Variants in HERC2 observed in about 807,000 individuals in gnomAD.
HERC2 encodes HECT and RLD domain containing E3 ubiquitin protein ligase 2.
Under a neutral mutation model 537.7 loss-of-function variants are expected in HERC2, and 102 were observed. That is an observed-to-expected ratio of 0.19 (90% CI 0.16 to 0.22). The LOEUF (loss-of-function observed/expected upper bound fraction) is 0.22, where lower values mean the gene tolerates loss of function less well. HERC2 is among the 10% of genes least tolerant of loss of function. The probability of loss-of-function intolerance (pLI) is 1.00; values close to 1 mark genes in which losing one functional copy is unlikely to be tolerated. For missense variants in HERC2, 4,236 were observed against 6,198.2 expected (o/e 0.68, Z 10.63); for synonymous variants, 2,224 against 2,466.2 (o/e 0.90, Z 2.91).
intron 23 of HERC2, among the ~76,000 whole-genome samples, chr15:28,241,828 TAAAC>T (rs951862554): frequency 1.3e-5 from 2 of 151,150 alleles, no homozygotes; most frequent in Non-Finnish European, 3.0e-5. Flanking sequence ...TCAAAAAAAA[TAAAC>T]AAATAAAAAA....
At chr15:28,251,123 G>A (rs980818075) in intron 20 of HERC2, among the ~76,000 whole-genome samples, 6 of 152,104 alleles carry the variant, frequency 3.9e-5, no homozygotes, top group South Asian at 2.1e-4. Flanking sequence ...GGAGCTACAG[G>A]TGCAATTCAA....
chr15:28,290,617 T>A (rs542673752), intron 4 of HERC2, among the ~76,000 whole-genome samples: 2 of 152,210 alleles, frequency 1.3e-5, no homozygotes, highest in Non-Finnish European at 2.9e-5. Flanking sequence ...AATCACAGAA[T>A]ATGTTCTCTG....
intron 55 of HERC2, among the ~76,000 whole-genome samples, chr15:28,190,047 C>A (rs550142400): frequency 6.9e-6 from 1 of 143,970 alleles, no homozygotes; most frequent in South Asian, 2.2e-4. Context: ...CTGGCTCTGT[C>A]GCCCAGGCTG....
At chr15:28,264,401 T>C (rs1173768485) in intron 14 of HERC2, among the ~76,000 whole-genome samples, 1 of 152,210 alleles carries the variant, frequency 6.6e-6, no homozygotes, top group Non-Finnish European at 1.5e-5. Flanking sequence ...ACAGCAGACC[T>C]GAACACAGAG....
intron 16 of HERC2, among the ~76,000 whole-genome samples, chr15:28,258,333 A>AT (rs2075324113): frequency 6.6e-6 from 1 of 152,108 alleles, no homozygotes. Flanking sequence ...TTAGCCAAGC[A>AT]TGCTGGTGCA....
chr15:28,145,612 T>C (rs1340624048), intron 71 of HERC2, among the ~76,000 whole-genome samples: 1 of 152,222 alleles, frequency 6.6e-6, no homozygotes, highest in East Asian at 1.9e-4. Flanking sequence ...GCCCATTCTC[T>C]GGCATCCAGT....
intron 10 of HERC2, among the ~76,000 whole-genome samples, chr15:28,270,093 C>G (rs1290314775): frequency 1.3e-5 from 2 of 152,178 alleles, no homozygotes; most frequent in African/African-American, 4.8e-5. Flanking sequence ...TCCCAAGTAG[C>G]TGGGATTACA....
In HERC2 at chr15:28,167,767, A is replaced by G. The variant is rs185865505; in HGVS notation, c.10474T>C (p.Ser3492Pro). 2.7e-4 allele frequency: 439 copies of G among 1,614,212 alleles called. 2 individuals are homozygous for G. The East Asian group carries it at 7.8e-3, about 29-fold the overall frequency. ...GTCACTGGGATAAAAGGCCGAGCGG[A>G]GGCTGAGGGGGCCGACGGAGTCACT... ...SAVTPSAPSA[S>P]ARPFIPVTDD... The change falls in exon 68 of 93, where the codon TCC (serine) becomes CCC (proline). Residue 3492 changes from serine to proline, a missense_variant. This residue lies in a region of HERC2 where 356 missense variants were observed against 450.9 expected (regional missense o/e 0.79). Coordinates refer to ENST00000261609, the MANE Select transcript of HERC2 (RefSeq NM_004667.6).
intron 2 of HERC2, among the ~76,000 whole-genome samples, chr15:28,300,258 C>T (rs1167651371): frequency 6.0e-5 from 9 of 150,652 alleles, no homozygotes; most frequent in Non-Finnish European, 1.3e-4. Flanking sequence ...CTGAAACATA[C>T]ATGACTTTCA....
chr15:28,197,121 T>C (rs1473305270), intron 50 of HERC2, among the ~76,000 whole-genome samples: 2 of 152,234 alleles, frequency 1.3e-5, no homozygotes, highest in African/African-American at 4.8e-5. Flanking sequence ...AAATAATCCA[T>C]TTGTTTTTAT....
intron 47 of HERC2, 86 bp from the exon 48 acceptor site, chr15:28,201,640 T>C: frequency 8.2e-6 from 7 of 848,644 alleles, no homozygotes; most frequent in Non-Finnish European, 1.4e-5. Flanking sequence ...AAATCTATAA[T>C]ATTAAAAAGT....
chr15:28,191,950 T>A lies in HERC2; in HGVS notation c.8451+11A>T, dbSNP rs1475848652. 6.2e-7 allele frequency: 1 copy of A among 1,611,026 alleles called. No homozygotes were observed. The highest frequency in any genetic ancestry group is 8.5e-7 in the Non-Finnish European group (1 of 1,178,720). ...TGAAAGTGCCCGCTGCTGTGCCCTA[T>A]TAGATGCTACCTTTCCTTGCGACCC... On this transcript the variant is annotated intron_variant, in intron 53 of 92. Transcript: ENST00000261609.
chr15:28,286,827 C>G (rs2076169843), intron 4 of HERC2, among the ~76,000 whole-genome samples: 1 of 152,182 alleles, frequency 6.6e-6, no homozygotes, highest in Admixed American at 6.5e-5. Context: ...TGTCAACACT[C>G]TCAGAAGGTT....
chr15:28,266,593 G>T (rs966960058), intron 12 of HERC2, among the ~76,000 whole-genome samples: 9 of 152,168 alleles, frequency 5.9e-5, no homozygotes, highest in Admixed American at 3.9e-4. Flanking sequence ...GCAACAGAAG[G>T]AATGAATTAC....
At chr15:28,254,198 A>G in intron 20 of HERC2, 142 bp downstream of exon 20, 2 of 579,300 alleles carry the variant, frequency 3.5e-6, no homozygotes, top group Non-Finnish European at 5.9e-6. Flanking sequence ...CAAGAGAATC[A>G]CTTGAACCTG....
intron 87 of HERC2, 73 bp downstream of exon 87, chr15:28,116,940 C>A: frequency 6.2e-7 from 1 of 1,611,044 alleles, no homozygotes; most frequent in Non-Finnish European, 8.5e-7. Context: ...CACCATGTGG[C>A]CTCTGTGCTC....
At chr15:28,150,691 T>C (rs1473408016) in intron 70 of HERC2, among the ~76,000 whole-genome samples, 14 of 138,966 alleles carry the variant, frequency 1.0e-4, no homozygotes, top group African/African-American at 3.3e-4. Flanking sequence ...GACATTCTAG[T>C]GAAATTACAG....
At chr15:28,298,838 T>C (rs2076544350) in intron 3 of HERC2, among the ~76,000 whole-genome samples, 1 of 151,846 alleles carries the variant, frequency 6.6e-6, no homozygotes, top group African/African-American at 2.4e-5. Flanking sequence ...TTCAGACTAA[T>C]GCTCTCCCAA....
chr15:28,186,904 T>TA (rs1020177543), intron 55 of HERC2, 152 bp from the exon 56 acceptor site: 2 of 524,464 alleles, frequency 3.8e-6, no homozygotes, highest in African/African-American at 3.8e-5. Context: ...TACTCAAAGT[T>TA]AATGCAGCCA....
Sources: allele counts gnomAD v4.1 joint callset (sites outside exome capture counted in the v4.1 genomes callset), GRCh38; gene constraint gnomAD v4.1.1; regional missense constraint gnomAD v4.1.1; transcripts MANE v1.5; gene names NCBI Gene and HGNC (gene_info 2026-07-23, HGNC 2026-07-21).